The following KPNA5 variants were observed in gnomAD, a reference collection of about 807,000 sequenced individuals.
KPNA5 encodes karyopherin subunit alpha 5, also known as importin subunit alpha-6.
Under a neutral mutation model 71.3 loss-of-function variants are expected in KPNA5, and 46 were observed. That is an observed-to-expected ratio of 0.65 (90% CI 0.51 to 0.83). The LOEUF (loss-of-function observed/expected upper bound fraction) is 0.83, where lower values mean the gene tolerates loss of function less well. Among genes scored for constraint, KPNA5 ranks in the 40% least tolerant of loss-of-function variants. The probability of loss-of-function intolerance (pLI) is 0.00; values close to 1 mark genes in which losing one functional copy is unlikely to be tolerated. For synonymous variants in KPNA5, 207 were observed against 201.4 expected, an observed-to-expected ratio of 1.03 and a Z score of -0.24; for missense variants, 547 against 628.3, an observed-to-expected ratio of 0.87 and a Z score of 1.38.
At chr6:116,724,456 TTA>T in intron 10 of KPNA5, 81 bp downstream of exon 10, 2 of 878,646 alleles carry the variant, frequency 2.3e-6, no homozygotes, top group Non-Finnish European at 3.7e-6. Context: ...TGATTACATA[TTA>T]ATCAAGATTT....
chr6:116,724,055 A>T (rs909321815), intron 9 of KPNA5, among the ~76,000 whole-genome samples: 1 of 152,156 alleles, frequency 6.6e-6, no homozygotes, highest in Non-Finnish European at 1.5e-5. Context: ...TATGATCTTC[A>T]AAAATGGCAA....
rs141905718 is a variant in KPNA5, at chr6:116,709,177, C to T, written c.656+4017C>T. ...TGTTGTGGATTTCCATATATTAGAT[C>T]ATGTCATCTGTCAATAATGTTAGTT... On this transcript the variant is annotated intron_variant, in intron 7 of 13. Transcript: ENST00000368564. Among the ~76,000 whole-genome samples the T allele has an allele frequency of 1.4e-4, 21 of 152,304 alleles. No homozygotes were observed. In the East Asian group the frequency reaches 3.7e-3, roughly 27 times the overall value.
intron 1 of KPNA5, 182 bp downstream of exon 1, chr6:116,681,520 G>A: frequency 7.4e-7 from 1 of 1,358,284 alleles, no homozygotes; most frequent in Non-Finnish European, 9.5e-7. Flanking sequence ...GGGCGTGGCA[G>A]CCGGACCTTT....
chr6:116,681,468 C>A, intron 1 of KPNA5, 130 bp downstream of exon 1: 1 of 1,398,812 alleles, frequency 7.1e-7, no homozygotes, highest in African/African-American at 1.5e-5. Context: ...CTGGCGGTGC[C>A]GGGTGTTTCT....
At chr6:116,686,154 C>T (rs1034547412) in intron 1 of KPNA5, among the ~76,000 whole-genome samples, 1 of 152,036 alleles carries the variant, frequency 6.6e-6, no homozygotes, top group African/African-American at 2.4e-5. Context: ...ATCCTCCTGG[C>T]TCTGCCTCCC....
intron 7 of KPNA5, among the ~76,000 whole-genome samples, chr6:116,705,798 A>G (rs1211859264): frequency 1.3e-5 from 2 of 152,176 alleles, no homozygotes; most frequent in Non-Finnish European, 2.9e-5. Context: ...CTAGAAGTAA[A>G]TATTTTACTC....
rs1779751289 is a variant in KPNA5, at chr6:116,738,530, G to A, written c.*6207G>A. 1 of 151,988 alleles carries A rather than the reference G, an allele frequency of 6.6e-6. No homozygotes were observed. Among genetic ancestry groups the A allele is most frequent in the Admixed American group, 6.6e-5 (1 of 15,228 alleles). 9.4% of individuals were successfully genotyped at this position (151,988 alleles called of 1,614,324 possible). A position where few individuals can be genotyped will look rare whatever the true frequency, so the allele number is the denominator to read the frequency against. On this transcript the variant is annotated 3_prime_UTR_variant, in exon 14 of 14. Coordinates refer to ENST00000368564, the MANE Select transcript of KPNA5 (RefSeq NM_001366306.2). ...CCAGCATCATCCTGATACCAAAGCT[G>A]GGCAGAGACACAACCAAAAAAGAGA...
chr6:116,707,975 A>G (rs1433771096), intron 7 of KPNA5, among the ~76,000 whole-genome samples: 3 of 152,214 alleles, frequency 2.0e-5, no homozygotes, highest in Admixed American at 6.5e-5. Flanking sequence ...CTCTCTATGT[A>G]TACTGTATAT....
Position 116,735,242 on chromosome 6 carries a change from T to C in KPNA5, c.*2919T>C, listed in dbSNP as rs138203726. ...AAACCTATTTGCAGTTAAAGGTTGA[T>C]TTATTGGATAAGGGACTAAAAGAAG... is the stretch of plus-strand genomic sequence containing the variant. On this transcript the variant is annotated 3_prime_UTR_variant, in exon 14 of 14. Coordinates refer to ENST00000368564, the MANE Select transcript of KPNA5 (RefSeq NM_001366306.2). 6.6e-5 allele frequency: 10 copies of C among 151,894 alleles called. No homozygotes were observed. In the East Asian group the frequency reaches 1.9e-3, roughly 29 times the overall value. The allele number at this position is 151,894 out of a possible 1,614,324, so 9.4% of individuals were successfully genotyped here. A position where few individuals can be genotyped will look rare whatever the true frequency, so the allele number is the denominator to read the frequency against.
At chr6:116,687,769 A>G (rs1397738891) in intron 1 of KPNA5, among the ~76,000 whole-genome samples, 2 of 152,168 alleles carry the variant, frequency 1.3e-5, no homozygotes, top group East Asian at 3.8e-4. Flanking sequence ...TTACTGAATC[A>G]ATTTCAGAAA....
chr6:116,729,931 T>C (rs1163756004), intron 13 of KPNA5, among the ~76,000 whole-genome samples, 190 bp downstream of exon 13: 1 of 151,744 alleles, frequency 6.6e-6, no homozygotes, highest in Non-Finnish European at 1.5e-5. Context: ...ATTGTCTGTA[T>C]GCACAAATAC....
At chr6:116,705,262 A>G in intron 7 of KPNA5, 102 bp downstream of exon 7, 1 of 879,996 alleles carries the variant, frequency 1.1e-6, no homozygotes, top group Non-Finnish European at 1.7e-6. Context: ...AATTTGTCTT[A>G]TGGTTATCAA....
intron 1 of KPNA5, among the ~76,000 whole-genome samples, chr6:116,685,002 GC>G (rs1777514620): frequency 6.6e-6 from 1 of 152,194 alleles, no homozygotes; most frequent in Non-Finnish European, 1.5e-5. Context: ...ACATAAACTT[GC>G]CGTATTATCC....
At chr6:116,725,108 G>C (rs1331069872) in intron 10 of KPNA5, among the ~76,000 whole-genome samples, 5 of 151,942 alleles carry the variant, frequency 3.3e-5, no homozygotes, top group African/African-American at 4.8e-5. Flanking sequence ...ATTTAATATA[G>C]CTCTTGAAAT....
At chr6:116,684,938 G>A (rs758143357) in intron 1 of KPNA5, among the ~76,000 whole-genome samples, 2 of 152,216 alleles carry the variant, frequency 1.3e-5, no homozygotes, top group Non-Finnish European at 2.9e-5. Flanking sequence ...TGATGGGAAT[G>A]CAAGATGGAA....
chr6:116,741,203 T>G lies in KPNA5; in HGVS notation c.*8880T>G, dbSNP rs1360139515. On this transcript the variant is annotated 3_prime_UTR_variant, in exon 14 of 14. Transcript: ENST00000368564. The stretch of plus-strand genomic sequence containing the variant: ...TCTTTTACATACTAGTCTGCTTAAT[T>G]CATCAGTTTCTAACTCGCCAGTTTC... 6.6e-6 allele frequency: 1 copy of G among 152,146 alleles called. No individual in the cohort carries two copies. The allele number at this position is 152,146 out of a possible 1,614,324, so 9.4% of individuals were successfully genotyped here. A position where few individuals can be genotyped will look rare whatever the true frequency, so the allele number is the denominator to read the frequency against.
chr6:116,729,535 G>A (rs530405959), intron 12 of KPNA5, 28 bp from the exon 13 acceptor site: 2 of 1,364,954 alleles, frequency 1.5e-6, no homozygotes, highest in East Asian at 2.7e-5. Flanking sequence ...TTTTTTCCCT[G>A]TTTCTTCTCT....
chr6:116,736,823 G>A lies in KPNA5; in HGVS notation c.*4500G>A, dbSNP rs1779686419. 6.6e-6 allele frequency: 1 copy of A among 151,864 alleles called. No individual in the cohort carries two copies. The highest frequency in any genetic ancestry group is 6.6e-5 in the Admixed American group (1 of 15,186). The allele number at this position is 151,864 out of a possible 1,614,324, so 9.4% of individuals were successfully genotyped here. A position where few individuals can be genotyped will look rare whatever the true frequency, so the allele number is the denominator to read the frequency against. ...AAGTTCACTAATCTTGTCTTCTGCT[G>A]TGTCTAATCTCTTAATTCCATTAGT... On this transcript the variant is annotated 3_prime_UTR_variant, in exon 14 of 14. Coordinates refer to ENST00000368564, the MANE Select transcript of KPNA5 (RefSeq NM_001366306.2).
intron 12 of KPNA5, among the ~76,000 whole-genome samples, chr6:116,728,435 C>T (rs1452427956): frequency 6.6e-6 from 1 of 152,124 alleles, no homozygotes; most frequent in East Asian, 1.9e-4. Flanking sequence ...TTAAGTTATG[C>T]ATCCATACCA....
Sources: allele counts gnomAD v4.1 joint callset (sites outside exome capture counted in the v4.1 genomes callset), GRCh38; gene constraint gnomAD v4.1.1; transcripts MANE v1.5; gene names NCBI Gene and HGNC (gene_info 2026-07-23, HGNC 2026-07-21).